MARCHF1: variants seen among roughly 807,000 people sequenced by gnomAD.
MARCHF1 encodes the protein membrane associated ring-CH-type finger 1.
MARCHF1 carries 40 observed loss-of-function variants against 54.2 expected under a neutral mutation model. The ratio of observed to expected loss-of-function variants is 0.74; its 90% CI spans 0.57 to 0.96. MARCHF1 has a LOEUF of 0.96. MARCHF1 is among the 40% of genes least tolerant of loss of function. The pLI is 0.00. For missense variants in MARCHF1, 586 were observed against 656.5 expected (o/e 0.89, Z 1.17); for synonymous variants, 236 against 236.3 (o/e 1.00, Z 0.01).
Position 164,004,263 on chromosome 4 carries a change from A to T in MARCHF1, c.-247-15554T>A, listed in dbSNP as rs117396508. ...TTTACATACATATATATATATATGC[A>T]TGTTCTGCACATGTATCCCAGAACT... is the stretch of plus-strand genomic sequence containing the variant. On this transcript the variant is annotated intron_variant, in intron 2 of 9. Coordinates refer to ENST00000514618, the MANE Select transcript of MARCHF1 (RefSeq NM_001394959.1). 8.9e-4 allele frequency among the ~76,000 whole-genome samples: 136 copies of T among 151,984 alleles called. 3 individuals are homozygous for T. The East Asian group carries it at 0.023, about 25-fold the overall frequency.
At chr4:163,762,378 G>A (rs980718984) in intron 4 of MARCHF1, among the ~76,000 whole-genome samples, 3 of 151,984 alleles carry the variant, frequency 2.0e-5, no homozygotes, top group African/African-American at 7.2e-5. Flanking sequence ...TGTCTATACA[G>A]AAACAAGAGA....
chr4:163,912,137 G>C (rs1422413036), intron 3 of MARCHF1, among the ~76,000 whole-genome samples: 3 of 151,552 alleles, frequency 2.0e-5, no homozygotes, highest in Admixed American at 1.3e-4. Context: ...AAAAAAACGA[G>C]AGAGAGAGAT....
At chr4:164,068,798 G>A (rs1364730630) in intron 2 of MARCHF1, among the ~76,000 whole-genome samples, 1 of 152,246 alleles carries the variant, frequency 6.6e-6, no homozygotes, top group African/African-American at 2.4e-5. Flanking sequence ...GGATCCACTG[G>A]GTGAAGCCAG....
chr4:163,737,936 G>A lies in MARCHF1; in HGVS notation c.112-37073C>T, dbSNP rs973119718. ...ATATACCCAAAGGACTATAAATCAT[G>A]CTGCTCTAAAGACACATGCACACGT... On this transcript the variant is annotated intron_variant, in intron 4 of 9. Transcript: ENST00000514618. Among the ~76,000 whole-genome samples, 3 of 76,420 alleles carry A rather than the reference G, an allele frequency of 3.9e-5. 1 individual carries two copies. The highest frequency in any genetic ancestry group is 1.4e-4 in the Non-Finnish European group (3 of 21,676). The allele number at this position is 76,420 out of a possible 152,430, so 50.1% of individuals were successfully genotyped here.
At chr4:164,068,076 G>A (rs945085321) in intron 2 of MARCHF1, among the ~76,000 whole-genome samples, 4 of 152,188 alleles carry the variant, frequency 2.6e-5, no homozygotes, top group African/African-American at 9.7e-5. Flanking sequence ...AATAACAGAT[G>A]CTAGTGACGT....
chr4:163,916,593 A>G (rs778007622), intron 3 of MARCHF1, among the ~76,000 whole-genome samples: 20 of 152,132 alleles, frequency 1.3e-4, no homozygotes, highest in South Asian at 4.1e-4. Context: ...CTAGGCTCTG[A>G]GAAACACACC....
intron 3 of MARCHF1, among the ~76,000 whole-genome samples, chr4:163,896,494 T>C (rs1276039373): frequency 6.6e-6 from 1 of 152,222 alleles, no homozygotes; most frequent in African/African-American, 2.4e-5. Flanking sequence ...TTCACTCCCT[T>C]CTTGAAATTC....
intron 1 of MARCHF1, among the ~76,000 whole-genome samples, chr4:164,302,818 G>A (rs994870683): frequency 2.1e-5 from 3 of 144,340 alleles, no homozygotes; most frequent in South Asian, 2.2e-4. Context: ...GCAGTGAACC[G>A]AGATCATGTC....
intron 4 of MARCHF1, among the ~76,000 whole-genome samples, chr4:163,791,123 G>T (rs1335765947): frequency 6.6e-6 from 1 of 152,060 alleles, no homozygotes; most frequent in South Asian, 2.1e-4. Flanking sequence ...AAAATTTTAC[G>T]GTAGGAGAAC....
chr4:164,013,472 T>C (rs111879770), intron 2 of MARCHF1, among the ~76,000 whole-genome samples: 43 of 152,226 alleles, frequency 2.8e-4, no homozygotes, highest in African/African-American at 1.0e-3. Context: ...AGAAAGTTTA[T>C]TCAAAGAAAT....
chr4:163,994,139 T>C lies in MARCHF1; in HGVS notation c.-247-5430A>G, dbSNP rs911105527. 4.5e-4 allele frequency among the ~76,000 whole-genome samples: 69 copies of C among 152,082 alleles called. 1 individual carries two copies. Among genetic ancestry groups the C allele is most frequent in the Admixed American group, 4.0e-3 (61 of 15,246 alleles). ...TTTCTTCACTTATCTTCAGAAAATG[T>C]AAAGCAGTCATCCCAAAAGAGGGAA... On this transcript the variant is annotated intron_variant, in intron 2 of 9. Transcript: ENST00000514618.
intron 9 of MARCHF1, among the ~76,000 whole-genome samples, chr4:163,529,282 G>T (rs1016801127): frequency 6.6e-6 from 1 of 151,966 alleles, no homozygotes; most frequent in Non-Finnish European, 1.5e-5. Context: ...ACCTATCACT[G>T]TCAAATCTCT....
chr4:163,869,535 A>G (rs1441808470), intron 3 of MARCHF1, among the ~76,000 whole-genome samples: 1 of 152,108 alleles, frequency 6.6e-6, no homozygotes, highest in African/African-American at 2.4e-5. Flanking sequence ...CAGAATTCAC[A>G]ATCAAATAAA....
intron 1 of MARCHF1, among the ~76,000 whole-genome samples, chr4:164,178,612 C>T (rs534850696): frequency 2.3e-4 from 35 of 152,138 alleles, no homozygotes; most frequent in Non-Finnish European, 4.3e-4. Context: ...TAGATTAAAT[C>T]ACTGAGTACT....
At position 163,766,135 on chromosome 4, in the gene MARCHF1, C is replaced by T. The variant is rs144293758; in HGVS notation, c.112-65272G>A. Among the ~76,000 whole-genome samples, 421 of 151,718 alleles carry T rather than the reference C, an allele frequency of 2.8e-3. 2 individuals are homozygous for T. Among genetic ancestry groups the T allele is most frequent in the Non-Finnish European group, 4.7e-3 (318 of 67,874 alleles). On this transcript the variant is annotated intron_variant, in intron 4 of 9. Coordinates refer to ENST00000514618, the MANE Select transcript of MARCHF1 (RefSeq NM_001394959.1). ...ACAAGTTATAAAATAATAAAATACC[C>T]CTAAATGGTATATCACAGAAGATGA...
intron 1 of MARCHF1, among the ~76,000 whole-genome samples, chr4:164,112,775 C>A (rs1755860278): frequency 6.6e-6 from 1 of 151,776 alleles, no homozygotes; most frequent in Non-Finnish European, 1.5e-5. Context: ...ACAAAAACAA[C>A]AACAAAATAT....
intron 4 of MARCHF1, among the ~76,000 whole-genome samples, chr4:163,810,677 T>A (rs1262324643): frequency 6.6e-6 from 1 of 152,230 alleles, no homozygotes; most frequent in African/African-American, 2.4e-5. Flanking sequence ...AATTTAAAAT[T>A]AAGAATAACT....
At chr4:163,602,761 T>C (rs1741013642) in intron 7 of MARCHF1, among the ~76,000 whole-genome samples, 1 of 152,106 alleles carries the variant, frequency 6.6e-6, no homozygotes, top group Non-Finnish European at 1.5e-5. Flanking sequence ...CAGCTTATCT[T>C]TTACTTGTAG....
At chr4:163,595,582 C>T (rs960906298) in intron 7 of MARCHF1, among the ~76,000 whole-genome samples, 1 of 152,122 alleles carries the variant, frequency 6.6e-6, no homozygotes, top group Non-Finnish European at 1.5e-5. Context: ...GAAATACTGC[C>T]ATTTGCTACA....
Sources: allele counts gnomAD v4.1 joint callset (sites outside exome capture counted in the v4.1 genomes callset), GRCh38; gene constraint gnomAD v4.1.1; transcripts MANE v1.5; gene names NCBI Gene and HGNC (gene_info 2026-07-23, HGNC 2026-07-21).